The following DMD variants were observed in gnomAD, a reference collection of about 807,000 sequenced individuals.
DMD encodes mutant dystrophin.
DMD carries 63 observed loss-of-function variants against 330.1 expected under a neutral mutation model. The observed-to-expected ratio is 0.19, with a 90% CI of 0.16 to 0.24. The LOEUF (loss-of-function observed/expected upper bound fraction) is 0.24. Ranked by LOEUF, DMD falls within the 10% of genes least tolerant of loss-of-function variation. The pLI, the probability that DMD is intolerant of heterozygous loss-of-function variation, is 1.00. For synonymous variants in DMD, 1,223 were observed against 959.8 expected, an observed-to-expected ratio of 1.27 and a Z score of -5.07; for missense variants, 3,344 against 2,684.1, an observed-to-expected ratio of 1.25 and a Z score of -5.43.
At chrX:32,632,988 A>T (rs930596823) in intron 11 of DMD, among the ~76,000 whole-genome samples, 1 of 112,267 alleles carries the variant, frequency 8.9e-6, no homozygotes, top group Non-Finnish European at 1.9e-5. Flanking sequence ...TCTCCTGAAA[A>T]TGGGCTTTTA....
intron 64 of DMD, among the ~76,000 whole-genome samples, chrX:31,210,817 T>G (rs749473619): frequency 6.2e-5 from 7 of 112,817 alleles, no homozygotes; most frequent in Admixed American, 9.4e-5. Context: ...TGGCCAGTTC[T>G]AATTAAATAT....
At chrX:33,244,870 T>C (rs1314192384) in intron 1 of DMD, among the ~76,000 whole-genome samples, 1 of 111,746 alleles carries the variant, frequency 8.9e-6, no homozygotes, top group African/African-American at 3.2e-5. Flanking sequence ...TAATATATAT[T>C]GACAAGCCCT....
chrX:32,450,527 T>C (rs2098325716), intron 26 of DMD, among the ~76,000 whole-genome samples: 1 of 110,844 alleles, frequency 9.0e-6, no homozygotes, highest in African/African-American at 3.3e-5. Flanking sequence ...TCATTTAATA[T>C]GTGCTACTGT....
chrX:32,194,120 G>A (rs1279657126), intron 44 of DMD, among the ~76,000 whole-genome samples: 4 of 112,242 alleles, frequency 3.6e-5, no homozygotes, highest in African/African-American at 1.3e-4. Flanking sequence ...CATCAATGAT[G>A]GATACAGAAT....
rs773800846 is a variant in DMD, at chrX:31,295,429, T to C, written c.9224+28169A>G. 2.7e-5 allele frequency among the ~76,000 whole-genome samples: 3 copies of C among 111,283 alleles called. No homozygotes were observed. The East Asian group carries it at 8.4e-4, about 31-fold the overall frequency. ...TGTACAATTCAATATTTTTGTTTGT[T>C]TGTTTGTTGAGACTCGCTCTGTCAC... On this transcript the variant is annotated intron_variant, in intron 62 of 78. Transcript: ENST00000357033.
At chrX:32,246,055 A>G (rs1424143280) in intron 43 of DMD, among the ~76,000 whole-genome samples, 2 of 89,789 alleles carry the variant, frequency 2.2e-5, no homozygotes, top group Admixed American at 1.3e-4. Flanking sequence ...TTCAAAGGGA[A>G]TGCTTCCAGT....
chrX:32,827,280 G>T (rs1019152055), intron 4 of DMD, among the ~76,000 whole-genome samples: 1 of 111,076 alleles, frequency 9.0e-6, no homozygotes, highest in Non-Finnish European at 1.9e-5. Flanking sequence ...GATTAAATCT[G>T]TAAAGAAAAA....
chrX:31,996,069 T>G (rs759732886), intron 44 of DMD, among the ~76,000 whole-genome samples: 16 of 111,934 alleles, frequency 1.4e-4, no homozygotes, highest in Non-Finnish European at 2.3e-4. Context: ...GCTGAACGCC[T>G]TAACAAAAGC....
At chrX:31,819,504 A>G (rs1454000878) in intron 50 of DMD, among the ~76,000 whole-genome samples, 2 of 112,598 alleles carry the variant, frequency 1.8e-5, no homozygotes, top group Non-Finnish European at 3.8e-5. Flanking sequence ...CTTACTAAGA[A>G]TTGCCTTCGG....
chrX:32,485,548 T>A (rs1256971108), intron 20 of DMD, among the ~76,000 whole-genome samples: 1 of 109,438 alleles, frequency 9.1e-6, no homozygotes, highest in Non-Finnish European at 1.9e-5. Flanking sequence ...TACCTACATA[T>A]ATGTATATGT....
chrX:32,184,619 G>C (rs753220813), intron 44 of DMD, among the ~76,000 whole-genome samples: 2 of 110,891 alleles, frequency 1.8e-5, no homozygotes, highest in Non-Finnish European at 3.8e-5. Context: ...TCTTCTCTTC[G>C]GGTTCAGTTG....
chrX:31,815,449 C>CAAA (rs772005297), intron 50 of DMD, among the ~76,000 whole-genome samples: 2 of 97,650 alleles, frequency 2.0e-5, no homozygotes, highest in African/African-American at 3.9e-5. Flanking sequence ...GACTCAGTCT[C>CAAA]AAAAAAAAAG....
At chrX:32,680,754 A>C (rs1221844756) in intron 9 of DMD, among the ~76,000 whole-genome samples, 1 of 110,058 alleles carries the variant, frequency 9.1e-6, no homozygotes, top group South Asian at 3.9e-4. Flanking sequence ...CTCTCCCCCC[A>C]TCAACTCTCC....
At chrX:32,488,411 C>T (rs2042682938) in intron 20 of DMD, among the ~76,000 whole-genome samples, 1 of 111,386 alleles carries the variant, frequency 9.0e-6, no homozygotes, top group South Asian at 3.8e-4. Context: ...TTCTGCCGAT[C>T]ATTAGAATAT....
intron 44 of DMD, among the ~76,000 whole-genome samples, chrX:32,202,116 G>T (rs2097042697): frequency 9.0e-6 from 1 of 111,185 alleles, no homozygotes; most frequent in Non-Finnish European, 1.9e-5. Flanking sequence ...TGTATTGAGA[G>T]AATTGCTTGG....
intron 11 of DMD, among the ~76,000 whole-genome samples, chrX:32,642,605 A>G (rs2059541155): frequency 8.9e-6 from 1 of 112,316 alleles, no homozygotes; most frequent in Non-Finnish European, 1.9e-5. Context: ...TTTAAATGTT[A>G]GAATCACAGA....
At chrX:31,757,907 G>A (rs2149163827) in intron 51 of DMD, among the ~76,000 whole-genome samples, 1 of 110,843 alleles carries the variant, frequency 9.0e-6, no homozygotes, top group African/African-American at 3.3e-5. Context: ...TAAAGATCCA[G>A]TCCCCTTTCT....
chrX:33,042,442 T>C (rs1194799390), intron 1 of DMD, among the ~76,000 whole-genome samples: 2 of 112,582 alleles, frequency 1.8e-5, no homozygotes, highest in Non-Finnish European at 3.7e-5. Context: ...GGGGCATCAA[T>C]AGATTTTACT....
chrX:32,734,964 A>G (rs7063406), intron 7 of DMD, among the ~76,000 whole-genome samples: 7,834 of 109,398 alleles, frequency 0.072, 838 homozygotes, highest in African/African-American at 0.25. Flanking sequence ...AGGAAAAGAG[A>G]AAGTCAAATT....
Sources: gnomAD v4.1 joint callset for allele counts (sites outside exome capture counted in the v4.1 genomes callset) on GRCh38, gnomAD v4.1.1 for gene constraint, MANE v1.5 for transcripts, NCBI Gene and HGNC (gene_info 2026-07-23, HGNC 2026-07-21) for gene names.